GABRB2: variants seen among roughly 807,000 people sequenced by gnomAD.
GABRB2 encodes the protein gamma-aminobutyric acid type A receptor subunit beta2.
A neutral mutation model predicts 54.7 loss-of-function variants in GABRB2; 16 were observed. The observed-to-expected ratio is 0.29, with a 90% CI of 0.20 to 0.44. The LOEUF (loss-of-function observed/expected upper bound fraction) is 0.44. Among genes scored for constraint, GABRB2 ranks in the 20% least tolerant of loss-of-function variants. The pLI is 1.00. For missense variants in GABRB2, 355 were observed against 644.0 expected, an observed-to-expected ratio of 0.55 and a Z score of 4.86; for synonymous variants, 244 against 233.8, an observed-to-expected ratio of 1.04 and a Z score of -0.40.
rs1347540608 is a variant in GABRB2, at chr5:161,459,526, GAAGA to G, written c.458+94_458+97del. ...GGCTTAACTGTTTCTTAGTAGAATT[GAAGA>G]AAGATAAGGAAAATAGCACAATATT... On this transcript the variant is annotated intron_variant, in intron 4 of 9. Coordinates refer to ENST00000393959, the MANE Select transcript of GABRB2 (RefSeq NM_001371727.1). 1.2e-4 allele frequency: 120 copies of G among 1,023,744 alleles called. No homozygotes were observed. In the South Asian group the frequency reaches 1.4e-3, roughly 12 times the overall value. 63.4% of individuals were successfully genotyped at this position (1,023,744 alleles called of 1,614,324 possible). A position where few individuals can be genotyped will look rare whatever the true frequency, so the allele number is the denominator to read the frequency against.
At chr5:161,443,136 A>T (rs1028927357) in intron 4 of GABRB2, among the ~76,000 whole-genome samples, 17 of 152,120 alleles carry the variant, frequency 1.1e-4, no homozygotes, top group African/African-American at 3.6e-4. Flanking sequence ...CTTCTCCCCC[A>T]CCAAATCTTT....
chr5:161,369,720 A>G (rs534489200), intron 5 of GABRB2, among the ~76,000 whole-genome samples: 1 of 152,248 alleles, frequency 6.6e-6, no homozygotes, highest in Admixed American at 6.5e-5. Context: ...CAGGTTTGCT[A>G]TATTTGCCAA....
chr5:161,432,206 G>A (rs756785161), intron 4 of GABRB2, among the ~76,000 whole-genome samples: 5 of 152,196 alleles, frequency 3.3e-5, no homozygotes, highest in Non-Finnish European at 7.3e-5. Context: ...ACAAGCCCCA[G>A]TGGGTGTCTG....
At chr5:161,525,387 T>A (rs1760247211) in intron 3 of GABRB2, among the ~76,000 whole-genome samples, 1 of 151,336 alleles carries the variant, frequency 6.6e-6, no homozygotes, top group South Asian at 2.1e-4. Context: ...GGAAAATAAA[T>A]ATATAGACCA....
intron 5 of GABRB2, among the ~76,000 whole-genome samples, chr5:161,346,085 A>C (rs1754312073): frequency 6.6e-6 from 1 of 152,162 alleles, no homozygotes; most frequent in Admixed American, 6.6e-5. Flanking sequence ...AGTCATCAAA[A>C]GAAAGGCAAT....
At chr5:161,506,573 A>G (rs998749074) in intron 3 of GABRB2, among the ~76,000 whole-genome samples, 1 of 152,172 alleles carries the variant, frequency 6.6e-6, no homozygotes, top group African/African-American at 2.4e-5. Context: ...CCATTCATTT[A>G]TATATTATCT....
chr5:161,455,121 T>A (rs1046719728), intron 4 of GABRB2, among the ~76,000 whole-genome samples: 3 of 152,226 alleles, frequency 2.0e-5, no homozygotes, highest in African/African-American at 7.2e-5. Context: ...GAGCAGCTGG[T>A]GTGCATGCTT....
intron 7 of GABRB2, among the ~76,000 whole-genome samples, chr5:161,331,564 A>G (rs910420325): frequency 6.6e-6 from 1 of 152,088 alleles, no homozygotes; most frequent in Admixed American, 6.5e-5. Context: ...GTCAAAAGTC[A>G]TTTTTGACTT....
chr5:161,370,827 T>C (rs1441004114), intron 5 of GABRB2, among the ~76,000 whole-genome samples: 1 of 152,180 alleles, frequency 6.6e-6, no homozygotes, highest in South Asian at 2.1e-4. Flanking sequence ...CCATTAAAAA[T>C]GTCCTCTTAA....
At chr5:161,343,550 G>A (rs987074518) in intron 5 of GABRB2, among the ~76,000 whole-genome samples, 10 of 152,014 alleles carry the variant, frequency 6.6e-5, no homozygotes, top group Non-Finnish European at 1.2e-4. Flanking sequence ...TCTGGTGGCT[G>A]TTTCTACAAA....
intron 3 of GABRB2, among the ~76,000 whole-genome samples, chr5:161,463,986 A>G (rs1758205542): frequency 6.6e-6 from 1 of 152,066 alleles, no homozygotes. Context: ...AAAATGTAAT[A>G]CTATAAAACC....
chr5:161,430,740 T>A (rs886188119), intron 4 of GABRB2, among the ~76,000 whole-genome samples: 3 of 152,152 alleles, frequency 2.0e-5, no homozygotes, highest in African/African-American at 2.4e-5. Context: ...TGAGTACTTA[T>A]GTTCAAGCGC....
At chr5:161,498,204 A>C (rs1759316441) in intron 3 of GABRB2, among the ~76,000 whole-genome samples, 1 of 152,200 alleles carries the variant, frequency 6.6e-6, no homozygotes, top group Non-Finnish European at 1.5e-5. Flanking sequence ...TGGATGTCTT[A>C]AAATAAATCA....
intron 4 of GABRB2, among the ~76,000 whole-genome samples, chr5:161,417,301 C>T (rs763565234): frequency 5.9e-5 from 9 of 152,172 alleles, no homozygotes; most frequent in African/African-American, 2.2e-4. Context: ...ACTATGTTCA[C>T]GACACTAGTG....
chr5:161,354,067 G>C (rs1270287507), intron 5 of GABRB2, among the ~76,000 whole-genome samples: 1 of 152,038 alleles, frequency 6.6e-6, no homozygotes. Flanking sequence ...TGGTATTTAA[G>C]ACAGTAGCAC....
rs1757265516 is a variant in GABRB2 at position 161,292,487 on chromosome 5, T to C, written c.*1594A>G. On this transcript the variant is annotated 3_prime_UTR_variant, in exon 10 of 10. Coordinates refer to ENST00000393959, the MANE Select transcript of GABRB2 (RefSeq NM_001371727.1). ...TAGCTTATTCTCCTCTTGTCCAACATATGAATGCTTATGTCCAATTAGTGT... is the reference window on the plus strand; with the variant it reads ...TAGCTTATTCTCCTCTTGTCCAACACATGAATGCTTATGTCCAATTAGTGT... 6.6e-6 allele frequency: 1 copy of C among 152,096 alleles called. No homozygotes were observed. The highest frequency in any genetic ancestry group is 2.1e-4 in the South Asian group (1 of 4,828). The allele number at this position is 152,096 out of a possible 1,614,324, so 9.4% of individuals were successfully genotyped here.
At chr5:161,502,802 T>A (rs567661805) in intron 3 of GABRB2, among the ~76,000 whole-genome samples, 1 of 152,182 alleles carries the variant, frequency 6.6e-6, no homozygotes, top group Non-Finnish European at 1.5e-5. Flanking sequence ...AGCAAACTAC[T>A]GGGTAGGATA....
intron 3 of GABRB2, among the ~76,000 whole-genome samples, chr5:161,528,315 T>G (rs2113448203): frequency 6.6e-6 from 1 of 151,882 alleles, no homozygotes; most frequent in Non-Finnish European, 1.5e-5. Context: ...TCATTTTCAT[T>G]ATTGTTTATT....
chr5:161,465,499 T>C (rs775010818), intron 3 of GABRB2, among the ~76,000 whole-genome samples: 1 of 152,130 alleles, frequency 6.6e-6, no homozygotes, highest in African/African-American at 2.4e-5. Context: ...AAAAATCTTC[T>C]ATATGTCTAA....
Sources: gnomAD v4.1 joint callset for allele counts (sites outside exome capture counted in the v4.1 genomes callset) on GRCh38, gnomAD v4.1.1 for gene constraint, MANE v1.5 for transcripts, NCBI Gene and HGNC (gene_info 2026-07-23, HGNC 2026-07-21) for gene names.